MTMR3: variants seen among roughly 807,000 people sequenced by gnomAD.
MTMR3 encodes the protein myotubularin related protein 3.
Under a neutral mutation model 132.4 loss-of-function variants are expected in MTMR3, and 32 were observed. The ratio of observed to expected loss-of-function variants is 0.24; its 90% confidence interval spans 0.18 to 0.32. MTMR3 has a LOEUF of 0.32. MTMR3 is among the 10% of genes least tolerant of loss of function. The pLI is 1.00. For synonymous variants in MTMR3, 556 were observed against 550.3 expected, an observed-to-expected ratio of 1.01 and a Z score of -0.14; for missense variants, 1,216 against 1,489.6, an observed-to-expected ratio of 0.82 and a Z score of 3.02.
At chr22:29,940,123 CCGGGCGTGGTGG>C (rs2065828190) in intron 1 of MTMR3, among the ~76,000 whole-genome samples, 1 of 152,074 alleles carries the variant, frequency 6.6e-6, no homozygotes, top group South Asian at 2.1e-4. Context: ...AAAAAATTAG[CCGGGCGTGGTGG>C]CGGGCGACTG....
At chr22:29,915,717 C>T (rs1274705605) in intron 1 of MTMR3, among the ~76,000 whole-genome samples, 2 of 152,164 alleles carry the variant, frequency 1.3e-5, no homozygotes, top group Non-Finnish European at 2.9e-5. Context: ...AGCCACTGCG[C>T]CCGGCTGACA....
intron 1 of MTMR3, among the ~76,000 whole-genome samples, chr22:29,917,860 A>G (rs1457990815): frequency 1.3e-5 from 2 of 152,226 alleles, no homozygotes; most frequent in African/African-American, 4.8e-5. Context: ...TGTGTCCATG[A>G]TATGTATGGA....
intron 13 of MTMR3, chr22:30,013,059 T>G (rs979026330): frequency 3.2e-5 from 7 of 220,540 alleles, no homozygotes; most frequent in African/African-American, 1.6e-4. Context: ...AAGAGAAATT[T>G]AGGGGAAAAG....
intron 7 of MTMR3, chr22:29,994,697 A>C (rs746870318): frequency 2.0e-5 from 3 of 152,226 alleles, no homozygotes; most frequent in Non-Finnish European, 4.4e-5. Context: ...CTAGCCTGCT[A>C]GAAGTAGAAT....
At chr22:29,966,748 T>C (rs1466432846) in intron 2 of MTMR3, among the ~76,000 whole-genome samples, 8 of 149,866 alleles carry the variant, frequency 5.3e-5, no homozygotes, top group East Asian at 1.9e-4. Flanking sequence ...TGTGTGTGTG[T>C]GTGTGTGTGT....
intron 8 of MTMR3, chr22:29,999,739 G>C (rs1287994235): frequency 6.6e-6 from 1 of 152,198 alleles, no homozygotes; most frequent in Non-Finnish European, 1.5e-5. Flanking sequence ...TATTTGGCTG[G>C]ACATGGTGGC....
At chr22:29,965,444 G>A (rs2066395311) in intron 2 of MTMR3, among the ~76,000 whole-genome samples, 1 of 152,090 alleles carries the variant, frequency 6.6e-6, no homozygotes, top group Admixed American at 6.6e-5. Context: ...ACACACTTTG[G>A]GAGGCCAAGG....
chr22:29,988,722 G>T, intron 6 of MTMR3, 160 bp downstream of exon 6: 1 of 411,814 alleles, frequency 2.4e-6, no homozygotes, highest in Non-Finnish European at 4.2e-6. Context: ...TCTGTAGGAT[G>T]TATACTTTGC....
At chr22:29,886,999 T>C (rs1015937995) in intron 1 of MTMR3, among the ~76,000 whole-genome samples, 2 of 152,200 alleles carry the variant, frequency 1.3e-5, no homozygotes, top group African/African-American at 4.8e-5. Flanking sequence ...TAAGATGATA[T>C]CAGATTCATA....
chr22:29,979,657 A>G (rs563260590), intron 5 of MTMR3: 2 of 152,748 alleles, frequency 1.3e-5, no homozygotes, highest in South Asian at 2.1e-4. Context: ...ATAAAGGTAT[A>G]AAGGCTGAAT....
intron 1 of MTMR3, among the ~76,000 whole-genome samples, chr22:29,923,775 G>A (rs965166894): frequency 2.0e-5 from 3 of 151,892 alleles, no homozygotes; most frequent in Admixed American, 6.6e-5. Context: ...CCTTAATTAC[G>A]TCTTACAGGT....
intron 1 of MTMR3, among the ~76,000 whole-genome samples, chr22:29,956,281 T>C: frequency 6.6e-6 from 1 of 151,392 alleles, no homozygotes. Context: ...GAGTCTCACT[T>C]TATTGCCCAG....
chr22:29,896,910 CACACAA>C (rs2064912249), intron 1 of MTMR3, among the ~76,000 whole-genome samples: 2 of 150,552 alleles, frequency 1.3e-5, no homozygotes, highest in South Asian at 4.3e-4. Context: ...CACATACACA[CACACAA>C]ATCCCATATA....
chr22:29,949,499 C>T (rs1602543154), intron 1 of MTMR3, among the ~76,000 whole-genome samples: 1 of 134,016 alleles, frequency 7.5e-6, no homozygotes. Context: ...CTGTCCCCCG[C>T]GCCCCCCCCC....
At chr22:29,955,040 A>G (rs2066161332) in intron 1 of MTMR3, among the ~76,000 whole-genome samples, 1 of 152,094 alleles carries the variant, frequency 6.6e-6, no homozygotes, top group South Asian at 2.1e-4. Flanking sequence ...GCCAGGCTGG[A>G]GTGCAGTGGC....
At chr22:29,930,908 G>A (rs1192045191) in intron 1 of MTMR3, among the ~76,000 whole-genome samples, 1 of 151,124 alleles carries the variant, frequency 6.6e-6, no homozygotes, top group East Asian at 1.9e-4. Context: ...TCAGGAGGTA[G>A]AGTTGGGTGG....
intron 1 of MTMR3, among the ~76,000 whole-genome samples, chr22:29,902,868 G>A (rs539091513): frequency 1.3e-5 from 2 of 152,244 alleles, no homozygotes; most frequent in South Asian, 4.2e-4. Flanking sequence ...CCTATGTAGT[G>A]AGCTTTCTTT....
chr22:29,944,901 C>G (rs2065923711), intron 1 of MTMR3, among the ~76,000 whole-genome samples: 2 of 152,184 alleles, frequency 1.3e-5, no homozygotes, highest in Admixed American at 1.3e-4. Context: ...AATGAATAAA[C>G]TGTATAAATA....
intron 1 of MTMR3, among the ~76,000 whole-genome samples, chr22:29,916,108 G>A (rs1041570833): frequency 6.6e-6 from 1 of 152,038 alleles, no homozygotes; most frequent in Non-Finnish European, 1.5e-5. Context: ...TTCAACGTTA[G>A]GCTTGTTTTT....
Sources: allele counts gnomAD v4.1 joint callset (sites outside exome capture counted in the v4.1 genomes callset), GRCh38; gene constraint gnomAD v4.1.1; transcripts MANE v1.5; gene names NCBI Gene and HGNC (gene_info 2026-07-23, HGNC 2026-07-21).